DYNC2H1: variants seen among roughly 807,000 people sequenced by gnomAD.
The protein encoded by DYNC2H1 is cytoplasmic dynein 2 heavy chain 1.
Under a neutral mutation model 570.0 loss-of-function variants are expected in DYNC2H1, and 410 were observed. That is an observed-to-expected ratio of 0.72 (90% CI 0.66 to 0.78). The LOEUF is 0.78. Among genes scored for constraint, DYNC2H1 ranks in the 30% least tolerant of loss-of-function variants. DYNC2H1 has a pLI of 0.00. For missense variants in DYNC2H1, 4,865 were observed against 5,046.4 expected, an observed-to-expected ratio of 0.96 and a Z score of 1.09; for synonymous variants, 1,688 against 1,677.6, an observed-to-expected ratio of 1.01 and a Z score of -0.15.
At chr11:103,191,964 T>C in intron 46 of DYNC2H1, 133 bp from the exon 47 acceptor site, 2 of 650,896 alleles carry the variant, frequency 3.1e-6, no homozygotes, top group Admixed American at 7.4e-5. Context: ...ATTTTAACTT[T>C]TTTTCCTTTC....
In DYNC2H1 at chr11:103,295,971, A is replaced by T. The variant is rs181830143; in HGVS notation, c.11096-7122A>T. ...TGGTCCTCCTGATTCCTGCAACAGT[A>T]TTGTGTTCCGCTCAGTGACAGGACC... On this transcript the variant is annotated intron_variant, in intron 75 of 88. Transcript: ENST00000375735. 2.7e-3 allele frequency among the ~76,000 whole-genome samples: 417 copies of T among 152,212 alleles called. 15 individuals carry two copies. In the East Asian group the frequency reaches 0.068, roughly 25 times the overall value.
At chr11:103,167,003 T>TTA (rs1861339161) in intron 31 of DYNC2H1, among the ~76,000 whole-genome samples, 1 of 147,938 alleles carries the variant, frequency 6.8e-6, no homozygotes, top group African/African-American at 2.5e-5. Context: ...TTTTTTTTTT[T>TTA]TTTTTTTTGA....
rs575969981 is a variant in DYNC2H1 at position 103,443,883 on chromosome 11, G to A, written c.12456+7851G>A. ...ACTTTTTCTCCTTGAGAAATTTTGAGATAGCAAAGTTGTTATTCCATTATT... is the reference window on the plus strand; with the variant it reads ...ACTTTTTCTCCTTGAGAAATTTTGAAATAGCAAAGTTGTTATTCCATTATT... On this transcript the variant is annotated intron_variant, in intron 85 of 88. Coordinates refer to ENST00000375735, the MANE Select transcript of DYNC2H1 (RefSeq NM_001377.3). 2.0e-5 allele frequency among the ~76,000 whole-genome samples: 3 copies of A among 151,778 alleles called. No homozygotes were observed. In the East Asian group the frequency reaches 5.8e-4, roughly 29 times the overall value.
At chr11:103,195,299 T>A (rs1862474787) in intron 47 of DYNC2H1, among the ~76,000 whole-genome samples, 1 of 152,204 alleles carries the variant, frequency 6.6e-6, no homozygotes, top group Non-Finnish European at 1.5e-5. Context: ...TAGTTTTATG[T>A]TTTACATTTG....
intron 85 of DYNC2H1, among the ~76,000 whole-genome samples, chr11:103,437,150 C>T (rs562402174): frequency 9.2e-5 from 14 of 152,216 alleles, no homozygotes; most frequent in Middle Eastern, 3.4e-3. Flanking sequence ...GAGCACCTTA[C>T]GTTTTACTTC....
intron 36 of DYNC2H1, among the ~76,000 whole-genome samples, chr11:103,174,809 C>G (rs1861728156): frequency 1.3e-5 from 2 of 151,842 alleles, no homozygotes; most frequent in Non-Finnish European, 1.5e-5. Context: ...GGTAGTGTTG[C>G]CAGGTTTCTC....
intron 15 of DYNC2H1, 124 bp from the exon 16 acceptor site, chr11:103,135,371 A>G: frequency 1.2e-6 from 1 of 865,250 alleles, no homozygotes; most frequent in Non-Finnish European, 1.6e-6. Flanking sequence ...AGTTTTACAT[A>G]TTTGAAATGA....
intron 85 of DYNC2H1, among the ~76,000 whole-genome samples, chr11:103,438,418 G>A (rs1944137244): frequency 6.6e-6 from 1 of 152,016 alleles, no homozygotes; most frequent in Admixed American, 6.6e-5. Flanking sequence ...TGGGAAACTG[G>A]GTGGGCAGGG....
intron 43 of DYNC2H1, 74 bp downstream of exon 43, chr11:103,187,660 T>A: frequency 2.0e-6 from 3 of 1,527,738 alleles, no homozygotes; most frequent in Non-Finnish European, 2.6e-6. Flanking sequence ...TTAGAAAATA[T>A]TCATTCTTCA....
In DYNC2H1 at chr11:103,307,750, C is replaced by G. The variant is rs1413586709; in HGVS notation, c.11412C>G (p.Thr3804=). ...TGAATACTCTTCAACCTAAAGATAC[C>G]TTTCGTCTTTGGCTCACTGCAGAAG... ...KELNTLQPKD[T]FRLWLTAEVH... The change falls in exon 78 of 89, where the codon ACC becomes ACG. Residue 3804 remains threonine (T), a synonymous_variant. Transcript: ENST00000375735. 3 of 1,602,932 alleles carry G rather than the reference C, an allele frequency of 1.9e-6. No homozygotes were observed. The highest frequency in any genetic ancestry group is 2.6e-6 in the Non-Finnish European group (3 of 1,174,102).
chr11:103,357,631 T>C (rs1023010236), intron 82 of DYNC2H1, among the ~76,000 whole-genome samples: 1 of 152,202 alleles, frequency 6.6e-6, no homozygotes, highest in African/African-American at 2.4e-5. Flanking sequence ...GGTTATTAAT[T>C]ATGAGTAATT....
intron 67 of DYNC2H1, 25 bp downstream of exon 67, chr11:103,255,559 CT>C: frequency 1.3e-6 from 2 of 1,500,316 alleles, no homozygotes; most frequent in Non-Finnish European, 8.8e-7. Flanking sequence ...ATTTAGGTTA[CT>C]TTTTTCGTAT....
At chr11:103,307,407 A>G (rs1330203806) in intron 77 of DYNC2H1, among the ~76,000 whole-genome samples, 1 of 152,124 alleles carries the variant, frequency 6.6e-6, no homozygotes, top group Non-Finnish European at 1.5e-5. Context: ...GTCTTAAACA[A>G]TTCTTTGTGA....
intron 75 of DYNC2H1, among the ~76,000 whole-genome samples, chr11:103,291,437 C>CAATAAATAAATAAATAAATA (rs749615097): frequency 3.1e-5 from 4 of 129,986 alleles, no homozygotes; most frequent in African/African-American, 1.2e-4. Flanking sequence ...GCCTCCATCT[C>CAATAAATAAATAAATAAATA]AATAAATAAA....
chr11:103,415,923 G>T (rs542107120), intron 84 of DYNC2H1, among the ~76,000 whole-genome samples: 2 of 152,202 alleles, frequency 1.3e-5, no homozygotes, highest in Admixed American at 6.5e-5. Flanking sequence ...ATGATAGACT[G>T]GATTAAGAAA....
intron 84 of DYNC2H1, among the ~76,000 whole-genome samples, chr11:103,414,076 G>T (rs1202204789): frequency 1.3e-5 from 2 of 151,986 alleles, no homozygotes; most frequent in East Asian, 3.9e-4. Context: ...ATAACACAAT[G>T]ATAAAAATGA....
Position 103,176,341 on chromosome 11 carries a change from G to T in DYNC2H1, c.5781G>T (p.Pro1927=). The T allele has an allele frequency of 6.3e-7, 1 of 1,584,130 alleles. No individual in the cohort carries two copies. The highest frequency in any genetic ancestry group is 2.3e-5 in the East Asian group (1 of 43,460). Residue 1927 remains proline, a synonymous_variant, in exon 37 of 89, where the codon CCG becomes CCT. Coordinates refer to ENST00000375735, the MANE Select transcript of DYNC2H1 (RefSeq NM_001377.3). ...RFDALIKDVF[P]GIELKEVEYD... ...ATGCACTGATAAAAGATGTCTTTCC[G>T]GGAATTGAATTGAAAGAAGTGGAAT...
At chr11:103,113,921 C>G (rs1253529460) in intron 2 of DYNC2H1, among the ~76,000 whole-genome samples, 182 bp from the exon 3 acceptor site, 1 of 152,112 alleles carries the variant, frequency 6.6e-6, no homozygotes, top group Admixed American at 6.5e-5. Context: ...CACATCAACT[C>G]AACATTTCTA....
chr11:103,177,557 T>A lies in DYNC2H1; in HGVS notation c.5876T>A (p.Ile1959Asn), dbSNP rs756556129. ...EANYEIIPNQ[I>N]KKALELYEQL... ...ATGAACATATTTCTTTCCTACTAGA[T>A]CAAAAAGGCTTTAGAATTGTATGAA... The change falls in exon 38 of 89, where the codon ATC becomes AAC. Residue 1959 changes from isoleucine (I) to asparagine (N), a missense_variant and splice_region_variant. Transcript: ENST00000375735. The surrounding 1 kb of genome is among the most constrained non-coding windows in gnomAD (Gnocchi z 4.4). The A allele has an allele frequency of 1.9e-6, 3 of 1,600,606 alleles. No individual in the cohort carries two copies. The East Asian group carries it at 6.7e-5, about 36-fold the overall frequency.
Sources: allele counts gnomAD v4.1 joint callset (sites outside exome capture counted in the v4.1 genomes callset), GRCh38; gene constraint gnomAD v4.1.1; non-coding constraint Gnocchi (gnomAD v3.1); transcripts MANE v1.5; gene names NCBI Gene and HGNC (gene_info 2026-07-23, HGNC 2026-07-21).